Variants in CSNK1A1 observed in about 807,000 individuals in gnomAD.
CSNK1A1 encodes the protein casein kinase 1 alpha 1, also known as casein kinase I isoform alpha.
CSNK1A1 carries 7 observed loss-of-function variants against 46.1 expected under a neutral mutation model. That is an observed-to-expected ratio of 0.15 (90% confidence interval 0.09 to 0.29). The LOEUF is 0.29. Among genes scored for constraint, CSNK1A1 ranks in the 10% least tolerant of loss-of-function variants. The pLI, the probability that CSNK1A1 is intolerant of heterozygous loss-of-function variation, is 1.00. For missense variants in CSNK1A1, 96 were observed against 417.1 expected (o/e 0.23, Z 6.71); for synonymous variants, 137 against 141.5 (o/e 0.97, Z 0.23).
Position 149,531,836 on chromosome 5 carries a change from CA to C in CSNK1A1, c.231-6666del, listed in dbSNP as rs201068827. ...CCTGGGTGACAGCAAGACTCCATCT[CA>C]AAAAAAAAAAAAAGGAATTTGGGAT... On this transcript the variant is annotated intron_variant, in intron 2 of 9. Coordinates refer to ENST00000377843, the MANE Select transcript of CSNK1A1 (RefSeq NM_001892.6). 0.025 allele frequency among the ~76,000 whole-genome samples: 3,160 copies of C among 123,944 alleles called. 257 individuals carry two copies. In the East Asian group the frequency reaches 0.33, roughly 13 times the overall value. 81.3% of individuals were successfully genotyped at this position (123,944 alleles called of 152,430 possible). A position where few individuals can be genotyped will look rare whatever the true frequency, so the allele number is the denominator to read the frequency against.
chr5:149,498,908 T>A lies in CSNK1A1; in HGVS notation c.1007-2048A>T, dbSNP rs552567971. 3.2e-5 allele frequency: 32 copies of A among 985,464 alleles called. No individual in the cohort carries two copies. In the African/African-American group the frequency reaches 5.2e-4, roughly 16 times the overall value. 61.0% of individuals were successfully genotyped at this position (985,464 alleles called of 1,614,324 possible). On this transcript the variant is annotated intron_variant, in intron 9 of 9. Coordinates refer to ENST00000377843, the MANE Select transcript of CSNK1A1 (RefSeq NM_001892.6). ...TGTATCTGTACATCTTTTGACCTGT[T>A]ATCTGAGGAATTGCTGAGTCAATAA...
chr5:149,551,152 T>A lies in CSNK1A1; in HGVS notation c.-188A>T, dbSNP rs1762646931. 3 of 516,288 alleles carry A rather than the reference T, an allele frequency of 5.8e-6. No homozygotes were observed. The highest frequency in any genetic ancestry group is 1.0e-5 in the Non-Finnish European group (3 of 298,016). 32.0% of individuals were successfully genotyped at this position (516,288 alleles called of 1,614,324 possible). On this transcript the variant is annotated 5_prime_UTR_variant, in exon 1 of 10. Transcript: ENST00000377843. ...ACCTGATCACCGCCGCTCAGTCAGG[T>A]TTCTTTTTGCCAGGCCGCAGTTTGT...
At chr5:149,529,197 T>C (rs993892575) in intron 2 of CSNK1A1, among the ~76,000 whole-genome samples, 2 of 152,216 alleles carry the variant, frequency 1.3e-5, no homozygotes, top group Non-Finnish European at 2.9e-5. Flanking sequence ...CATTTTCCAT[T>C]TGTTTCAAAT....
intron 2 of CSNK1A1, among the ~76,000 whole-genome samples, chr5:149,531,026 C>G (rs909096074): frequency 6.8e-6 from 1 of 148,070 alleles, no homozygotes; most frequent in East Asian, 2.0e-4. Context: ...GTTCCCTTTT[C>G]TCTAAAATCC....
At chr5:149,520,027 A>G (rs1761520363) in intron 4 of CSNK1A1, among the ~76,000 whole-genome samples, 1 of 152,220 alleles carries the variant, frequency 6.6e-6, no homozygotes, top group African/African-American at 2.4e-5. Flanking sequence ...AATAACTTAG[A>G]CAACTACAGT....
Position 149,494,274 on chromosome 5 carries a change from A to C in CSNK1A1, c.*2579T>G, listed in dbSNP as rs1046213179. 6.6e-6 allele frequency: 1 copy of C among 152,228 alleles called. No homozygotes were observed. Among genetic ancestry groups the C allele is most frequent in the Non-Finnish European group, 1.5e-5 (1 of 68,034 alleles). 9.4% of individuals were successfully genotyped at this position (152,228 alleles called of 1,614,324 possible). On this transcript the variant is annotated 3_prime_UTR_variant, in exon 10 of 10. Coordinates refer to ENST00000377843, the MANE Select transcript of CSNK1A1 (RefSeq NM_001892.6). ...AATCATTGTGAAAGCAAACCTCCAA[A>C]TATTCATTTGTAAGCCATAAGAGGA...
intron 2 of CSNK1A1, among the ~76,000 whole-genome samples, chr5:149,534,099 C>T (rs966220176): frequency 1.3e-5 from 2 of 152,094 alleles, no homozygotes; most frequent in African/African-American, 4.8e-5. Flanking sequence ...ATCAATAAAG[C>T]TGATGAAGAA....
intron 9 of CSNK1A1, among the ~76,000 whole-genome samples, chr5:149,500,000 G>A (rs1465676473): frequency 1.7e-5 from 2 of 118,956 alleles, no homozygotes; most frequent in Middle Eastern, 7.1e-3. Flanking sequence ...ACGGAGTCTC[G>A]CTCTGTCACC....
intron 2 of CSNK1A1, among the ~76,000 whole-genome samples, chr5:149,535,983 T>C (rs982314529): frequency 6.6e-6 from 1 of 151,958 alleles, no homozygotes; most frequent in Non-Finnish European, 1.5e-5. Context: ...GACAGAGTTT[T>C]GCTCTCGTTG....
At chr5:149,500,349 A>G (rs930805989) in intron 9 of CSNK1A1, among the ~76,000 whole-genome samples, 2 of 152,028 alleles carry the variant, frequency 1.3e-5, no homozygotes, top group Non-Finnish European at 2.9e-5. Flanking sequence ...ATGTTAGCCA[A>G]GATGGTCTGG....
At chr5:149,534,535 T>C (rs992207300) in intron 2 of CSNK1A1, among the ~76,000 whole-genome samples, 3 of 150,258 alleles carry the variant, frequency 2.0e-5, no homozygotes, top group African/African-American at 7.4e-5. Flanking sequence ...TGTTAGCACC[T>C]GGGCTAAATT....
intron 2 of CSNK1A1, among the ~76,000 whole-genome samples, chr5:149,547,716 A>T (rs1157203098): frequency 6.6e-6 from 1 of 152,146 alleles, no homozygotes; most frequent in African/African-American, 2.4e-5. Context: ...CTTCAAATCT[A>T]TATCATCTCA....
chr5:149,532,585 C>T (rs1291546366), intron 2 of CSNK1A1, among the ~76,000 whole-genome samples: 1 of 151,856 alleles, frequency 6.6e-6, no homozygotes, highest in Non-Finnish European at 1.5e-5. Flanking sequence ...CCCAGCTACT[C>T]AGGAGGCTAA....
chr5:149,549,216 C>G, intron 2 of CSNK1A1: 1 of 445,980 alleles, frequency 2.2e-6, no homozygotes, highest in East Asian at 3.3e-5. Context: ...TTTTTAAATA[C>G]AACTGATATG....
Position 149,496,797 on chromosome 5 carries a change from A to G in CSNK1A1, c.*56T>C. On this transcript the variant is annotated 3_prime_UTR_variant, in exon 10 of 10. Transcript: ENST00000377843. ...TGAACTAAAATTTCTAGATTTGGGG[A>G]GAAACAAATGCTGCTCCGATCATCT... 6.5e-7 allele frequency: 1 copy of G among 1,545,116 alleles called. No individual in the cohort carries two copies. Among genetic ancestry groups the G allele is most frequent in the South Asian group, 1.2e-5 (1 of 80,796 alleles).
At chr5:149,524,935 G>T in intron 3 of CSNK1A1, 110 bp downstream of exon 3, 1 of 971,802 alleles carries the variant, frequency 1.0e-6, no homozygotes, top group Non-Finnish European at 1.4e-6. Flanking sequence ...TTCTGCCTAT[G>T]CTAAGGTTAA....
intron 2 of CSNK1A1, among the ~76,000 whole-genome samples, chr5:149,534,923 A>C (rs1762020034): frequency 6.6e-6 from 1 of 151,674 alleles, no homozygotes; most frequent in Non-Finnish European, 1.5e-5. Context: ...AAAAAAAAAA[A>C]AGCCCCTTAC....
chr5:149,500,971 T>C, intron 9 of CSNK1A1: 14 of 985,350 alleles, frequency 1.4e-5, no homozygotes, highest in Non-Finnish European at 1.7e-5. Context: ...TATAACAGAA[T>C]TCATTCTGCT....
At position 149,538,081 on chromosome 5, in the gene CSNK1A1, G is replaced by C. The variant is rs1321163065; in HGVS notation, c.230+11994C>G. On this transcript the variant is annotated intron_variant, in intron 2 of 9. Coordinates refer to ENST00000377843, the MANE Select transcript of CSNK1A1 (RefSeq NM_001892.6). ...CTTGTTGCCCGGGCTGGAGTGCAATGGCGCGATCCTGGCTCACTGCAACCT... is the reference window on the plus strand; with the variant it reads ...CTTGTTGCCCGGGCTGGAGTGCAATCGCGCGATCCTGGCTCACTGCAACCT... Among the ~76,000 whole-genome samples, 7 of 132,938 alleles carry C rather than the reference G, an allele frequency of 5.3e-5. No individual in the cohort carries two copies. In the Admixed American group the frequency reaches 6.1e-4, roughly 12 times the overall value. The allele number at this position is 132,938 out of a possible 152,430, so 87.2% of individuals were successfully genotyped here. A position where few individuals can be genotyped will look rare whatever the true frequency, so the allele number is the denominator to read the frequency against.
Sources: gnomAD v4.1 joint callset for allele counts (sites outside exome capture counted in the v4.1 genomes callset) on GRCh38, gnomAD v4.1.1 for gene constraint, MANE v1.5 for transcripts, NCBI Gene and HGNC (gene_info 2026-07-23, HGNC 2026-07-21) for gene names.